The following TMTC2 variants were observed in gnomAD, a reference collection of about 807,000 sequenced individuals.
TMTC2 encodes the protein protein O-mannosyl-transferase TMTC2.
Under a neutral mutation model 82.4 loss-of-function variants are expected in TMTC2, and 43 were observed. The observed-to-expected ratio is 0.52, with a 90% CI of 0.41 to 0.67. The LOEUF is 0.67. TMTC2 is among the 30% of genes least tolerant of loss of function. TMTC2 has a pLI of 0.00. For synonymous variants in TMTC2, 408 were observed against 381.9 expected (o/e 1.07, Z -0.80); for missense variants, 919 against 1,012.4 (o/e 0.91, Z 1.25).
intron 1 of TMTC2, chr12:82,760,864 A>T: frequency 2.5e-6 from 1 of 398,624 alleles, no homozygotes; most frequent in Non-Finnish European, 5.1e-6. Context: ...GTCTCCCCTC[A>T]CCCCCAGATG....
At chr12:82,897,963 G>A (rs1873766693) in intron 3 of TMTC2, among the ~76,000 whole-genome samples, 1 of 150,730 alleles carries the variant, frequency 6.6e-6, no homozygotes, top group Non-Finnish European at 1.5e-5. Flanking sequence ...GCTAATAGGT[G>A]TATATATATA....
At chr12:83,029,684 G>A (rs112364825) in intron 8 of TMTC2, among the ~76,000 whole-genome samples, 1 of 152,216 alleles carries the variant, frequency 6.6e-6, no homozygotes, top group African/African-American at 2.4e-5. Context: ...TGCCAAACAA[G>A]ATAGAACTGC....
Position 83,132,241 on chromosome 12 carries a change from T to C in TMTC2, c.2363T>C (p.Ile788Thr). Residue 788 changes from isoleucine to threonine, a missense_variant, in exon 12 of 12, where the codon ATT becomes ACT. Ile to Thr is a moderately conservative substitution (Grantham distance 89). Coordinates refer to ENST00000321196, the MANE Select transcript of TMTC2 (RefSeq NM_152588.3). ...GCTGCTTTGATGAACCTGGGAGCCA[T>C]TCTGCACCTCAATGGCAGACTCCAG... The part of the protein sequence containing the change: ...YPAALMNLGA[I>T]LHLNGRLQKA... 1 of 1,613,666 alleles carries C rather than the reference T, an allele frequency of 6.2e-7. No homozygotes were observed. Among genetic ancestry groups the C allele is most frequent in the Non-Finnish European group, 8.5e-7 (1 of 1,179,840 alleles).
At chr12:82,916,197 A>G (rs559727175) in intron 3 of TMTC2, among the ~76,000 whole-genome samples, 11 of 152,314 alleles carry the variant, frequency 7.2e-5, no homozygotes, top group African/African-American at 2.6e-4. Context: ...TAGTATATAT[A>G]TTCCCCAAGT....
At chr12:82,708,195 G>T (rs1215252927) in intron 1 of TMTC2, among the ~76,000 whole-genome samples, 1 of 152,124 alleles carries the variant, frequency 6.6e-6, no homozygotes, top group African/African-American at 2.4e-5. Flanking sequence ...AACCGAAAAA[G>T]TTTGCCAACC....
chr12:82,700,751 G>T lies in TMTC2; in HGVS notation c.83+13082G>T, dbSNP rs941097882. On this transcript the variant is annotated intron_variant, in intron 1 of 11. Coordinates refer to ENST00000321196, the MANE Select transcript of TMTC2 (RefSeq NM_152588.3). ...TTGACTTTATGCTTTTAAATTAGAT[G>T]ATATAGTATCTAGGAGTATGTATTA... Among the ~76,000 whole-genome samples the T allele has an allele frequency of 2.0e-5, 3 of 152,148 alleles. 1 individual carries two copies. Among genetic ancestry groups the T allele is most frequent in the Admixed American group, 2.0e-4 (3 of 15,276 alleles).
intron 1 of TMTC2, among the ~76,000 whole-genome samples, chr12:82,852,812 A>T (rs1871053932): frequency 6.6e-6 from 1 of 152,100 alleles, no homozygotes; most frequent in Non-Finnish European, 1.5e-5. Flanking sequence ...TCTTAATAGG[A>T]TGTTGAGGTG....
chr12:82,851,903 CA>C (rs879483505), intron 1 of TMTC2, among the ~76,000 whole-genome samples: 1,417 of 118,300 alleles, frequency 0.012, 10 homozygotes, highest in Non-Finnish European at 0.017. Context: ...GGTCACGAGA[CA>C]AAAAAAAAAA....
chr12:82,791,920 C>T (rs1878487587), intron 1 of TMTC2, among the ~76,000 whole-genome samples: 1 of 151,846 alleles, frequency 6.6e-6, no homozygotes, highest in Admixed American at 6.6e-5. Context: ...GCTCTCCTAC[C>T]CCAACTGTTA....
chr12:82,753,400 A>T (rs1465342630), intron 1 of TMTC2, among the ~76,000 whole-genome samples: 2 of 143,590 alleles, frequency 1.4e-5, no homozygotes, highest in African/African-American at 5.2e-5. Flanking sequence ...AACATTCTTT[A>T]AACTGTTTCC....
At chr12:82,811,635 C>G (rs1325060892) in intron 1 of TMTC2, among the ~76,000 whole-genome samples, 1 of 151,676 alleles carries the variant, frequency 6.6e-6, no homozygotes, top group African/African-American at 2.4e-5. Context: ...ATTTTAGAAA[C>G]TTAAAATATA....
chr12:83,060,326 A>G (rs1383838378), intron 10 of TMTC2, among the ~76,000 whole-genome samples: 1 of 151,736 alleles, frequency 6.6e-6, no homozygotes, highest in Non-Finnish European at 1.5e-5. Flanking sequence ...CATAATTTAT[A>G]TGGTTGCATG....
At chr12:82,797,931 C>T (rs1422938266) in intron 1 of TMTC2, among the ~76,000 whole-genome samples, 1 of 147,196 alleles carries the variant, frequency 6.8e-6, no homozygotes, top group East Asian at 2.0e-4. Flanking sequence ...ATATAACCAC[C>T]CTAATTTTTT....
intron 11 of TMTC2, among the ~76,000 whole-genome samples, chr12:83,077,731 C>T (rs575835500): frequency 3.3e-5 from 5 of 151,434 alleles, no homozygotes; most frequent in Admixed American, 1.3e-4. Context: ...CACGCCACCA[C>T]GCCCAGCTAA....
Position 83,054,133 on chromosome 12 carries a change from G to A in TMTC2, c.2267+3115G>A, listed in dbSNP as rs183872002. 6.8e-4 allele frequency among the ~76,000 whole-genome samples: 104 copies of A among 152,122 alleles called. No individual in the cohort carries two copies. In the East Asian group the frequency reaches 0.018, roughly 27 times the overall value. The stretch of plus-strand genomic sequence containing the variant: ...GTGGAAATGTAGATCCCTAAGTGAC[G>A]AAAGAGAGACAAACCTCCCTCCTCA... On this transcript the variant is annotated intron_variant, in intron 10 of 11. Transcript: ENST00000321196.
intron 8 of TMTC2, among the ~76,000 whole-genome samples, chr12:83,022,928 A>C (rs1881000361): frequency 1.3e-5 from 2 of 152,204 alleles, no homozygotes; most frequent in South Asian, 2.1e-4. Context: ...TATTTCATTG[A>C]AATGATTTTT....
At chr12:83,045,753 C>CACACACACACACACACACACACA in intron 9 of TMTC2, among the ~76,000 whole-genome samples, 1 of 50,782 alleles carries the variant, frequency 2.0e-5, no homozygotes. Context: ...ACACACACAC[C>CACACACACACACACACACACACA]AGGAGTGTCT....
At chr12:83,102,962 C>A (rs905858451) in intron 11 of TMTC2, among the ~76,000 whole-genome samples, 1 of 152,136 alleles carries the variant, frequency 6.6e-6, no homozygotes, top group Admixed American at 6.5e-5. Flanking sequence ...AAGATACTCT[C>A]CCCTAGATTC....
chr12:83,038,927 G>GT (rs537630267), intron 9 of TMTC2, among the ~76,000 whole-genome samples: 10,829 of 109,134 alleles, frequency 0.099, 1,229 homozygotes, highest in African/African-American at 0.25. Flanking sequence ...AAGCACCTTG[G>GT]TTTTTTTTTT....
Sources: allele counts gnomAD v4.1 joint callset (sites outside exome capture counted in the v4.1 genomes callset), GRCh38; gene constraint gnomAD v4.1.1; transcripts MANE v1.5; gene names NCBI Gene and HGNC (gene_info 2026-07-23, HGNC 2026-07-21).